ST6GALNAC3: variants seen among roughly 807,000 people sequenced by gnomAD.
ST6GALNAC3 encodes the protein alpha-N-acetylgalactosaminide alpha-2,6-sialyltransferase 3.
A neutral mutation model predicts 32.7 loss-of-function variants in ST6GALNAC3; 25 were observed. That is an observed-to-expected ratio of 0.76 (90% CI 0.56 to 1.07). ST6GALNAC3 has a LOEUF of 1.07. Ranked by LOEUF, ST6GALNAC3 falls within the 50% of genes least tolerant of loss-of-function variation. ST6GALNAC3 has a pLI of 0.00. For synonymous variants in ST6GALNAC3, 129 were observed against 133.1 expected, an observed-to-expected ratio of 0.97 and a Z score of 0.21; for missense variants, 355 against 382.4, an observed-to-expected ratio of 0.93 and a Z score of 0.60.
intron 3 of ST6GALNAC3, among the ~76,000 whole-genome samples, chr1:76,443,154 T>C (rs549031170): frequency 6.6e-6 from 1 of 152,254 alleles, no homozygotes; most frequent in East Asian, 1.9e-4. Flanking sequence ...TTGTTGTTGT[T>C]GTTTTGTTTT....
At chr1:76,537,769 A>G (rs981490969) in intron 3 of ST6GALNAC3, among the ~76,000 whole-genome samples, 1 of 152,196 alleles carries the variant, frequency 6.6e-6, no homozygotes, top group Non-Finnish European at 1.5e-5. Context: ...AAAATACAGT[A>G]GAAAAGGCTA....
intron 3 of ST6GALNAC3, among the ~76,000 whole-genome samples, chr1:76,467,769 A>C (rs183075526): frequency 6.6e-6 from 1 of 151,882 alleles, no homozygotes; most frequent in Admixed American, 6.6e-5. Context: ...TTTTGCAATT[A>C]TTTTTTCTTA....
rs192779458 is a variant in ST6GALNAC3, at chr1:76,292,725, C to T, written c.19-21080C>T. On this transcript the variant is annotated intron_variant, in intron 1 of 4. Coordinates refer to ENST00000328299, the MANE Select transcript of ST6GALNAC3 (RefSeq NM_152996.4). ...ATTTGGGGTGTTCACTTCCTCTCAC[C>T]GTAGCATGTTTATTACTGGACTCTG... 1.4e-3 allele frequency among the ~76,000 whole-genome samples: 216 copies of T among 152,238 alleles called. 1 individual carries two copies. Among genetic ancestry groups the T allele is most frequent in the Middle Eastern group, 6.8e-3 (2 of 294 alleles).
intron 1 of ST6GALNAC3, among the ~76,000 whole-genome samples, chr1:76,281,905 G>C (rs185164167): frequency 1.3e-5 from 2 of 152,152 alleles, no homozygotes; most frequent in African/African-American, 4.8e-5. Flanking sequence ...CAGGTGCTGG[G>C]TGCTGTAGTG....
intron 1 of ST6GALNAC3, among the ~76,000 whole-genome samples, chr1:76,190,764 A>G (rs1048361465): frequency 2.6e-5 from 4 of 152,242 alleles, no homozygotes; most frequent in African/African-American, 9.6e-5. Flanking sequence ...TTGAGATTCC[A>G]TCTGCCATTG....
chr1:76,590,057 G>T (rs1408168965), intron 3 of ST6GALNAC3, among the ~76,000 whole-genome samples: 1 of 152,134 alleles, frequency 6.6e-6, no homozygotes, highest in East Asian at 1.9e-4. Flanking sequence ...TTTAAGAGCA[G>T]GATTGGCAAG....
At chr1:76,419,799 G>GA (rs1459148764) in intron 3 of ST6GALNAC3, among the ~76,000 whole-genome samples, 1 of 152,060 alleles carries the variant, frequency 6.6e-6, no homozygotes, top group African/African-American at 2.4e-5. Context: ...GATGTTATAA[G>GA]AGCTCTACAG....
intron 3 of ST6GALNAC3, among the ~76,000 whole-genome samples, chr1:76,488,855 G>A (rs183361820): frequency 7.2e-5 from 11 of 152,228 alleles, no homozygotes; most frequent in East Asian, 3.9e-4. Context: ...TCTCTTTCAC[G>A]CTGGCCATTG....
At chr1:76,391,901 A>G (rs73006116) in intron 2 of ST6GALNAC3, among the ~76,000 whole-genome samples, 12,561 of 152,260 alleles carry the variant, frequency 0.082, 1,339 homozygotes, top group African/African-American at 0.25. Context: ...TGGAACACAG[A>G]AAAGGTTAAA....
rs561322425 is a variant in ST6GALNAC3 at position 76,577,742 on chromosome 1, C to T, written c.624-49710C>T. Among the ~76,000 whole-genome samples the T allele has an allele frequency of 1.1e-4, 17 of 152,100 alleles. No individual in the cohort carries two copies. In the East Asian group the frequency reaches 1.2e-3, roughly 10 times the overall value. The stretch of plus-strand genomic sequence containing the variant: ...CCACCTCTGTGTAATCAGAGATTCC[C>T]GGCAGAATTGTATTAATGGAGCAAG... On this transcript the variant is annotated intron_variant, in intron 3 of 4. Transcript: ENST00000328299.
At chr1:76,295,537 A>G (rs1431685382) in intron 1 of ST6GALNAC3, among the ~76,000 whole-genome samples, 2 of 152,122 alleles carry the variant, frequency 1.3e-5, no homozygotes, top group African/African-American at 4.8e-5. Flanking sequence ...AGCACTCACT[A>G]TGTGCTAGAG....
intron 3 of ST6GALNAC3, among the ~76,000 whole-genome samples, chr1:76,564,615 T>A (rs1665441392): frequency 7.2e-6 from 1 of 139,436 alleles, no homozygotes; most frequent in African/African-American, 2.8e-5. Context: ...AGATGGAGTC[T>A]AGCTCTGTTG....
chr1:76,399,333 A>G (rs974742129), intron 2 of ST6GALNAC3, among the ~76,000 whole-genome samples: 5 of 152,102 alleles, frequency 3.3e-5, no homozygotes, highest in African/African-American at 7.2e-5. Flanking sequence ...CAGGTTTTCA[A>G]TTCACCTAGA....
intron 1 of ST6GALNAC3, among the ~76,000 whole-genome samples, chr1:76,200,890 C>T (rs76953047): frequency 0.012 from 1,784 of 152,060 alleles, 32 homozygotes; most frequent in East Asian, 0.046. Context: ...GGACCAGAAA[C>T]GCCTCTGAGA....
intron 1 of ST6GALNAC3, among the ~76,000 whole-genome samples, chr1:76,078,067 CT>C (rs1259759427): frequency 6.6e-6 from 1 of 152,184 alleles, no homozygotes. Flanking sequence ...TTCAGACAGG[CT>C]TCCCACTGAT....
intron 1 of ST6GALNAC3, among the ~76,000 whole-genome samples, chr1:76,229,159 A>T (rs532656231): frequency 6.6e-6 from 1 of 152,290 alleles, no homozygotes; most frequent in East Asian, 1.9e-4. Context: ...CTCAATAAAG[A>T]ACCCAGAAAG....
intron 2 of ST6GALNAC3, among the ~76,000 whole-genome samples, chr1:76,401,376 T>C (rs1285854338): frequency 6.6e-6 from 1 of 152,204 alleles, no homozygotes; most frequent in Non-Finnish European, 1.5e-5. Context: ...TTTACATATC[T>C]GCTCCATCAC....
chr1:76,164,273 A>G (rs1557665662), intron 1 of ST6GALNAC3, among the ~76,000 whole-genome samples: 1 of 152,120 alleles, frequency 6.6e-6, no homozygotes. Context: ...AGAGGGAAAG[A>G]GCTGGGAGCT....
chr1:76,461,705 G>A (rs1480270575), intron 3 of ST6GALNAC3, among the ~76,000 whole-genome samples: 1 of 152,180 alleles, frequency 6.6e-6, no homozygotes, highest in Non-Finnish European at 1.5e-5. Context: ...TATACCTGAT[G>A]TTGACAGTAA....
Sources: gnomAD v4.1 joint callset for allele counts (sites outside exome capture counted in the v4.1 genomes callset) on GRCh38, gnomAD v4.1.1 for gene constraint, MANE v1.5 for transcripts, NCBI Gene and HGNC (gene_info 2026-07-23, HGNC 2026-07-21) for gene names.